The following PKIA variants were observed in gnomAD, a reference collection of about 807,000 sequenced individuals.
The protein encoded by PKIA is PKI-alpha.
PKIA carries 4 observed loss-of-function variants against 7.6 expected under a neutral mutation model. The observed-to-expected ratio is 0.52, with a 90% CI of 0.26 to 1.20. The LOEUF is 1.20. Ranked by LOEUF, PKIA falls within the 50% of genes most tolerant of loss-of-function variation. PKIA has a pLI of 0.13. For synonymous variants in PKIA, 21 were observed against 30.7 expected, an observed-to-expected ratio of 0.68 and a Z score of 1.04; for missense variants, 73 against 86.2, an observed-to-expected ratio of 0.85 and a Z score of 0.61.
At chr8:78,520,253 A>G (rs1316507001) in intron 1 of PKIA, among the ~76,000 whole-genome samples, 1 of 152,226 alleles carries the variant, frequency 6.6e-6, no homozygotes, top group African/African-American at 2.4e-5. Context: ...CATTATAGTA[A>G]TAATAAATAT....
At chr8:78,553,667 C>T (rs575378580) in intron 1 of PKIA, among the ~76,000 whole-genome samples, 2 of 151,508 alleles carry the variant, frequency 1.3e-5, no homozygotes, top group African/African-American at 2.4e-5. Flanking sequence ...AAGCTGAAAA[C>T]GTGCAGATGC....
At chr8:78,567,605 T>G (rs1403814969) in intron 1 of PKIA, among the ~76,000 whole-genome samples, 2 of 152,132 alleles carry the variant, frequency 1.3e-5, no homozygotes, top group Admixed American at 6.6e-5. Flanking sequence ...GTTTCTTCAC[T>G]CTTTCTTTCT....
chr8:78,583,375 T>C (rs1325715553), intron 2 of PKIA, among the ~76,000 whole-genome samples: 1 of 152,148 alleles, frequency 6.6e-6, no homozygotes, highest in Non-Finnish European at 1.5e-5. Flanking sequence ...TTCTAGTCAA[T>C]TGAATGCAGC....
At chr8:78,520,847 G>A (rs1809402737) in intron 1 of PKIA, among the ~76,000 whole-genome samples, 1 of 152,058 alleles carries the variant, frequency 6.6e-6, no homozygotes, top group Non-Finnish European at 1.5e-5. Flanking sequence ...ATCTATTTGT[G>A]CTCCCTTGGA....
At position 78,601,661 on chromosome 8, in the gene PKIA, C is replaced by T. The variant is rs1032018398; in HGVS notation, c.152-81C>T. 2.9e-6 allele frequency: 3 copies of T among 1,029,942 alleles called. No individual in the cohort carries two copies. The Admixed American group carries it at 6.0e-5, about 21-fold the overall frequency. 63.8% of individuals were successfully genotyped at this position (1,029,942 alleles called of 1,614,324 possible). On this transcript the variant is annotated intron_variant, in intron 3 of 3. Transcript: ENST00000396418. ...GCCTATTTAGTATTTCTGAAGTTAC[C>T]AATATGACATATTGACAGTTGGTAA...
intron 3 of PKIA, 37 bp from the exon 4 acceptor site, chr8:78,601,705 A>C (rs771840326): frequency 6.8e-7 from 1 of 1,480,396 alleles, no homozygotes; most frequent in East Asian, 2.3e-5. Flanking sequence ...AATCATTTTT[A>C]TTTTGCCTTT....
In PKIA at chr8:78,554,126, C is replaced by T. The variant is rs114177536; in HGVS notation, c.-156-18685C>T. Among the ~76,000 whole-genome samples the T allele has an allele frequency of 2.6e-3, 401 of 152,092 alleles. 1 individual carries two copies. Among genetic ancestry groups the T allele is most frequent in the African/African-American group, 9.2e-3 (383 of 41,530 alleles). On this transcript the variant is annotated intron_variant, in intron 1 of 3. Transcript: ENST00000396418. The stretch of plus-strand genomic sequence containing the variant: ...AGTCGTAGATCACAAGTCACAGAAG[C>T]AGAATCATGGGCCATTCCCATACTG...
At chr8:78,530,744 G>C (rs1453282017) in intron 1 of PKIA, among the ~76,000 whole-genome samples, 8 of 152,016 alleles carry the variant, frequency 5.3e-5, no homozygotes. Flanking sequence ...TAAGTAGTAA[G>C]TTTTGGTCCT....
chr8:78,577,670 T>G (rs543981791), intron 2 of PKIA, among the ~76,000 whole-genome samples: 3 of 151,992 alleles, frequency 2.0e-5, no homozygotes, highest in Non-Finnish European at 4.4e-5. Flanking sequence ...GTAAGGTTCA[T>G]TCTCCCAAAA....
intron 1 of PKIA, among the ~76,000 whole-genome samples, chr8:78,569,766 A>G (rs1807503479): frequency 3.3e-5 from 5 of 152,172 alleles, no homozygotes. Flanking sequence ...TTCTTAAAAT[A>G]AATGAAAAAA....
intron 1 of PKIA, among the ~76,000 whole-genome samples, chr8:78,553,423 T>C (rs2118480118): frequency 7.1e-6 from 1 of 140,810 alleles, no homozygotes; most frequent in East Asian, 1.9e-4. Flanking sequence ...CCTTCACATC[T>C]AATAATTCTA....
At chr8:78,545,333 T>C (rs931493309) in intron 1 of PKIA, among the ~76,000 whole-genome samples, 2 of 152,094 alleles carry the variant, frequency 1.3e-5, no homozygotes, top group Admixed American at 6.6e-5. Flanking sequence ...TGGGCTGAGA[T>C]AGAAATACCA....
intron 1 of PKIA, among the ~76,000 whole-genome samples, chr8:78,532,706 A>G (rs1244540809): frequency 6.6e-6 from 1 of 152,060 alleles, no homozygotes; most frequent in Non-Finnish European, 1.5e-5. Flanking sequence ...CAGGAGATCA[A>G]GACCAGCCTG....
At chr8:78,533,587 T>G (rs745653238) in intron 1 of PKIA, among the ~76,000 whole-genome samples, 1 of 152,106 alleles carries the variant, frequency 6.6e-6, no homozygotes, top group Non-Finnish European at 1.5e-5. Flanking sequence ...CTGGGCACAG[T>G]GGCTCACATC....
rs149328066 is a variant in PKIA, at chr8:78,553,695, C to T, written c.-156-19116C>T. ...GCAGATGCAGACAGATGTAATATGC[C>T]GCAGCTTTTTGTATCAAGCCACTCT... On this transcript the variant is annotated intron_variant, in intron 1 of 3. Coordinates refer to ENST00000396418, the MANE Select transcript of PKIA (RefSeq NM_006823.4). Among the ~76,000 whole-genome samples the T allele has an allele frequency of 6.0e-5, 9 of 151,152 alleles. No individual in the cohort carries two copies. In the East Asian group the frequency reaches 1.4e-3, roughly 23 times the overall value.
chr8:78,588,275 G>A (rs548757594), intron 2 of PKIA, among the ~76,000 whole-genome samples: 1 of 152,104 alleles, frequency 6.6e-6, no homozygotes, highest in Non-Finnish European at 1.5e-5. Context: ...GAGGTCGGGA[G>A]TTTGAGGCCA....
At chr8:78,598,293 C>T (rs1249247629) in intron 2 of PKIA, 65 bp from the exon 3 acceptor site, 2 of 929,864 alleles carry the variant, frequency 2.2e-6, no homozygotes, top group South Asian at 3.5e-5. Context: ...TATACTAAGT[C>T]GGTAGTTAAA....
intron 1 of PKIA, among the ~76,000 whole-genome samples, chr8:78,561,913 C>T (rs1221543874): frequency 6.6e-6 from 1 of 152,132 alleles, no homozygotes; most frequent in African/African-American, 2.4e-5. Context: ...TATCCCCATT[C>T]TCAGCTCCCT....
intron 1 of PKIA, among the ~76,000 whole-genome samples, chr8:78,548,279 C>G (rs377561618): frequency 2.0e-5 from 3 of 152,024 alleles, no homozygotes; most frequent in Admixed American, 6.6e-5. Flanking sequence ...ATTTTTTATA[C>G]ATTGCCTTAT....
Sources: gnomAD v4.1 joint callset for allele counts (sites outside exome capture counted in the v4.1 genomes callset) on GRCh38, gnomAD v4.1.1 for gene constraint, MANE v1.5 for transcripts, NCBI Gene and HGNC (gene_info 2026-07-23, HGNC 2026-07-21) for gene names.